ANKRD36: variants seen among roughly 807,000 people sequenced by gnomAD.
ANKRD36 encodes ankyrin repeat domain-containing protein 36A.
ANKRD36 carries 179 observed loss-of-function variants against 278.1 expected under a neutral mutation model. That is an observed-to-expected ratio of 0.64 (90% CI 0.57 to 0.73). The LOEUF (loss-of-function observed/expected upper bound fraction) is 0.73. ANKRD36 is among the 30% of genes least tolerant of loss of function. The pLI, the probability that ANKRD36 is intolerant of heterozygous loss-of-function variation, is 0.00. For synonymous variants in ANKRD36, 320 were observed against 641.1 expected (o/e 0.50, Z 7.57); for missense variants, 1,159 against 1,956.7 (o/e 0.59, Z 7.69).
At chr2:97,171,957 G>A (rs917499471) in intron 22 of ANKRD36, among the ~76,000 whole-genome samples, 4 of 151,984 alleles carry the variant, frequency 2.6e-5, no homozygotes, top group African/African-American at 9.7e-5. Context: ...GTTTTATTTG[G>A]GAGTGTGCAT....
intron 5 of ANKRD36, 79 bp downstream of exon 5, chr2:97,124,676 G>A (rs2038038720): frequency 1.4e-6 from 2 of 1,449,980 alleles, no homozygotes; most frequent in South Asian, 2.8e-5. Flanking sequence ...TTATATATCA[G>A]GTGAGATTTC....
intron 56 of ANKRD36, among the ~76,000 whole-genome samples, chr2:97,210,688 A>C (rs1243300581): frequency 2.0e-5 from 3 of 151,882 alleles, no homozygotes; most frequent in African/African-American, 7.2e-5. Flanking sequence ...TGATACTCCC[A>C]AAAAGACTAT....
At chr2:97,169,906 C>T (rs943702787) in intron 22 of ANKRD36, among the ~76,000 whole-genome samples, 1 of 152,068 alleles carries the variant, frequency 6.6e-6, no homozygotes, top group Non-Finnish European at 1.5e-5. Flanking sequence ...ACTTTCTTCA[C>T]AGAATTAGAA....
chr2:97,188,182 A>G (rs2057823378), intron 32 of ANKRD36, among the ~76,000 whole-genome samples: 1 of 151,810 alleles, frequency 6.6e-6, no homozygotes, highest in Admixed American at 6.6e-5. Context: ...CCTCTTGGAT[A>G]AAATAGCTAT....
rs535328283 is a variant in ANKRD36 at position 97,164,205 on chromosome 2, G to A, written c.1430-78G>A. 15 of 1,488,932 alleles carry A rather than the reference G, an allele frequency of 1.0e-5. No homozygotes were observed. The Admixed American group carries it at 3.2e-4, about 31-fold the overall frequency. The allele number at this position is 1,488,932 out of a possible 1,614,324, so 92.2% of individuals were successfully genotyped here. On this transcript the variant is annotated intron_variant, in intron 18 of 75. Coordinates refer to ENST00000420699, the MANE Select transcript of ANKRD36 (RefSeq NM_001354587.1). Reference sequence around the variant, plus strand: ...AGGGCAAGCACGAAGATTTCAGCTGGATACAAACACTGCATGATTGATGGT... The same window carrying A: ...AGGGCAAGCACGAAGATTTCAGCTGAATACAAACACTGCATGATTGATGGT...
chr2:97,208,314 G>T (rs1277625651), intron 54 of ANKRD36, among the ~76,000 whole-genome samples: 2 of 146,702 alleles, frequency 1.4e-5, no homozygotes, highest in Non-Finnish European at 3.0e-5. Flanking sequence ...TTCAGTAAGG[G>T]TGGAAGGAGA....
chr2:97,178,472 T>C (rs1199942126), intron 22 of ANKRD36, among the ~76,000 whole-genome samples: 1 of 151,742 alleles, frequency 6.6e-6, no homozygotes, highest in Non-Finnish European at 1.5e-5. Flanking sequence ...ATGTGGCACA[T>C]ATACACCATG....
At chr2:97,190,901 G>A (rs1420456447) in intron 34 of ANKRD36, 77 bp from the exon 35 acceptor site, 2 of 1,566,898 alleles carry the variant, frequency 1.3e-6, no homozygotes, top group African/African-American at 2.7e-5. Context: ...ACAGCTGGAT[G>A]CTAACACTGT....
intron 42 of ANKRD36, 36 bp from the exon 43 acceptor site, chr2:97,198,427 A>G (rs1329920401): frequency 5.7e-6 from 9 of 1,568,270 alleles, no homozygotes; most frequent in South Asian, 1.2e-5. Flanking sequence ...TGTCGTTTTT[A>G]CATATGAGTG....
intron 14 of ANKRD36, 68 bp downstream of exon 14, chr2:97,152,602 T>G: frequency 8.2e-7 from 1 of 1,220,834 alleles, no homozygotes; most frequent in African/African-American, 1.7e-5. Context: ...AAACTAGTAT[T>G]TGTTTAGTAT....
chr2:97,213,787 A>G (rs2065269113), intron 60 of ANKRD36, among the ~76,000 whole-genome samples, 173 bp downstream of exon 60: 1 of 151,726 alleles, frequency 6.6e-6, no homozygotes, highest in Admixed American at 6.6e-5. Context: ...GGTCTTGGAC[A>G]TGATCTTTGC....
chr2:97,199,624 G>T (rs1200179872), intron 44 of ANKRD36, among the ~76,000 whole-genome samples: 1 of 151,908 alleles, frequency 6.6e-6, no homozygotes, highest in Non-Finnish European at 1.5e-5. Flanking sequence ...GTATGTCAAA[G>T]TTGATAATTG....
chr2:97,153,699 G>A lies in ANKRD36; in HGVS notation c.1194-976G>A, dbSNP rs1477346075. 4.1e-5 allele frequency among the ~76,000 whole-genome samples: 6 copies of A among 147,168 alleles called. 1 individual carries two copies. Among genetic ancestry groups the A allele is most frequent in the East Asian group, 2.0e-4 (1 of 5,122 alleles). On this transcript the variant is annotated intron_variant, in intron 14 of 75. Transcript: ENST00000420699. ...TGGCTCTAGTGAACACAGTGGAAGA[G>A]GATGAGAATTGAATGAGCTGTTGAA...
In ANKRD36 at chr2:97,178,370, C is replaced by T. The variant is rs58401081; in HGVS notation, c.1634-1368C>T. Among the ~76,000 whole-genome samples the T allele has an allele frequency of 8.9e-3, 1,360 of 152,018 alleles. 28 individuals carry two copies. Among genetic ancestry groups the T allele is most frequent in the African/African-American group, 0.031 (1,275 of 41,506 alleles). On this transcript the variant is annotated intron_variant, in intron 22 of 75. Coordinates refer to ENST00000420699, the MANE Select transcript of ANKRD36 (RefSeq NM_001354587.1). ...TATAAATCACGCTGCTATAAAGACA[C>T]ATGCACACGCATGCTTATTACGGCA...
Position 97,244,139 on chromosome 2 carries a change from T to C in ANKRD36, c.4491+110T>C, listed in dbSNP as rs537492771. 4 of 1,362,184 alleles carry C rather than the reference T, an allele frequency of 2.9e-6. No homozygotes were observed. The African/African-American group carries it at 4.3e-5, about 15-fold the overall frequency. 84.4% of individuals were successfully genotyped at this position (1,362,184 alleles called of 1,614,324 possible). A position where few individuals can be genotyped will look rare whatever the true frequency, so the allele number is the denominator to read the frequency against. The stretch of plus-strand genomic sequence containing the variant: ...AGGCCTGAACAATCCCCAAATTTTA[T>C]TTCATCTTAAAAATGAATCATGGCA... On this transcript the variant is annotated intron_variant, in intron 70 of 75. Coordinates refer to ENST00000420699, the MANE Select transcript of ANKRD36 (RefSeq NM_001354587.1).
intron 22 of ANKRD36, among the ~76,000 whole-genome samples, chr2:97,178,826 A>G (rs1309437901): frequency 6.6e-6 from 1 of 151,760 alleles, no homozygotes; most frequent in East Asian, 1.9e-4. Flanking sequence ...CTTAAAGTAT[A>G]ATAAAAAAAA....
chr2:97,136,319 T>G (rs937955372), intron 6 of ANKRD36, among the ~76,000 whole-genome samples: 4 of 151,062 alleles, frequency 2.6e-5, no homozygotes, highest in African/African-American at 7.3e-5. Context: ...CATGTTACTT[T>G]CCCCCCGTAT....
rs1163978261 is a variant in ANKRD36 at position 97,206,109 on chromosome 2, A to C, written c.3137A>C (p.Asn1046Thr). The change falls in exon 52 of 76, where the codon AAC becomes ACC. Residue 1046 changes from asparagine to threonine, a missense_variant. Physicochemically the swap from Asn to Thr is moderately conservative, Grantham distance 65. Transcript: ENST00000420699. The stretch of plus-strand genomic sequence containing the variant: ...TCTGTTTTGAGTATAGCCAGAGAAA[A>C]CAAGGATGGAGAAAAATCTAGGACA... Reference protein sequence around the residue: ...EDSVLSIARENKDGEKSRTVS... With the variant: ...EDSVLSIARETKDGEKSRTVS... 6.5e-7 allele frequency: 1 copy of C among 1,545,800 alleles called. No homozygotes were observed. The highest frequency in any genetic ancestry group is 2.1e-4 in the Middle Eastern group (1 of 4,814).
rs200937473 is a variant in ANKRD36, at chr2:97,204,446, A to T, written c.3061+183A>T. The stretch of plus-strand genomic sequence containing the variant: ...TGCTGGTCTGGAACATGATCTTCAC[A>T]GTAAGATTATACACTTCCCCACATT... On this transcript the variant is annotated intron_variant, in intron 50 of 75. Transcript: ENST00000420699. 1.6e-4 allele frequency among the ~76,000 whole-genome samples: 24 copies of T among 151,264 alleles called. No individual in the cohort carries two copies. The East Asian group carries it at 2.9e-3, about 18-fold the overall frequency.
Sources: allele counts gnomAD v4.1 joint callset (sites outside exome capture counted in the v4.1 genomes callset), GRCh38; gene constraint gnomAD v4.1.1; transcripts MANE v1.5; gene names NCBI Gene and HGNC (gene_info 2026-07-23, HGNC 2026-07-21).